Variants in RPS6KA4 observed in about 807,000 individuals in gnomAD.
RPS6KA4 encodes the protein ribosomal protein S6 kinase alpha-4.
In RPS6KA4, 38 loss-of-function variants were observed where a neutral mutation model predicts 89.6. The ratio of observed to expected loss-of-function variants is 0.42; its 90% confidence interval spans 0.33 to 0.56. The LOEUF (loss-of-function observed/expected upper bound fraction) is 0.56, where lower values mean the gene tolerates loss of function less well. Among genes scored for constraint, RPS6KA4 ranks in the 20% least tolerant of loss-of-function variants. The probability of loss-of-function intolerance (pLI) is 0.07; values close to 1 mark genes in which losing one functional copy is unlikely to be tolerated. For synonymous variants in RPS6KA4, 495 were observed against 492.8 expected (o/e 1.00, Z -0.06); for missense variants, 873 against 1,098.8 (o/e 0.79, Z 2.90).
At chr11:64,368,420 G>A in intron 10 of RPS6KA4, 48 bp from the exon 11 acceptor site, 2 of 1,543,588 alleles carry the variant, frequency 1.3e-6, no homozygotes, top group Non-Finnish European at 1.7e-6. Context: ...CTACCAGGTG[G>A]GACCTCTGAC....
rs1310364818 is a variant in RPS6KA4, at chr11:64,369,583, G to A, written c.1566G>A (p.Glu522=). 1 of 1,605,796 alleles carries A rather than the reference G, an allele frequency of 6.2e-7. No homozygotes were observed. The highest frequency in any genetic ancestry group is 8.5e-7 in the Non-Finnish European group (1 of 1,176,804). ...TGTCGGCCGTGAGCTTCATGCACGA[G>A]GAGGCGGGCGTGGTGCACCGCGACC... ...SLVSAVSFMH[E]EAGVVHRDLK... The change falls in exon 13 of 17, where the codon GAG becomes GAA. Residue 522 remains glutamate, a synonymous_variant. Coordinates refer to ENST00000334205, the MANE Select transcript of RPS6KA4 (RefSeq NM_003942.3).
chr11:64,365,406 CTGGAG>C lies in RPS6KA4; in HGVS notation c.1013_1017del (p.Leu338ProfsTer30). The C allele has an allele frequency of 6.2e-7, 1 of 1,614,122 alleles. No individual in the cohort carries two copies. Among genetic ancestry groups the C allele is most frequent in the Non-Finnish European group, 8.5e-7 (1 of 1,180,022 alleles). On this transcript the variant is annotated frameshift_variant, in exon 9 of 17. Transcript: ENST00000334205. LOFTEE classifies it high-confidence loss of function. ...CAACTTTGCGGAGGAATTCACTCGG[CTGGAG>C]CCTGTCTACTCACCCCCTGGCAGCC...
chr11:64,368,872 T>C, intron 12 of RPS6KA4, 75 bp downstream of exon 12: 1 of 1,355,884 alleles, frequency 7.4e-7, no homozygotes, highest in Non-Finnish European at 1.0e-6. Context: ...ATGGGCGGGA[T>C]CTAGGGGTGA....
chr11:64,370,121 T>C lies in RPS6KA4; in HGVS notation c.1798-104T>C. On this transcript the variant is annotated intron_variant, in intron 14 of 16. Coordinates refer to ENST00000334205, the MANE Select transcript of RPS6KA4 (RefSeq NM_003942.3). The surrounding 1 kb of genome is among the most constrained non-coding windows in gnomAD (Gnocchi z 4.1). ...AGTCAGGGTTCACCACGCGTGGGTC[T>C]CAGGAGTGCCCCTAGTGGGGAGGGT... 8.8e-6 allele frequency: 12 copies of C among 1,358,092 alleles called. No individual in the cohort carries two copies. Among genetic ancestry groups the C allele is most frequent in the Non-Finnish European group, 1.2e-5 (12 of 1,009,744 alleles). The allele number at this position is 1,358,092 out of a possible 1,614,324, so 84.1% of individuals were successfully genotyped here.
chr11:64,368,288 G>T, intron 10 of RPS6KA4, 28 bp downstream of exon 10: 1 of 1,610,456 alleles, frequency 6.2e-7, no homozygotes, highest in Non-Finnish European at 8.5e-7. Context: ...GGGTTGGGGG[G>T]AAATTGGTTT....
rs770305097 is a variant in RPS6KA4 at position 64,361,797 on chromosome 11, G to A, written c.755+52G>A. 2.5e-6 allele frequency: 4 copies of A among 1,587,532 alleles called. No homozygotes were observed. Among genetic ancestry groups the A allele is most frequent in the Non-Finnish European group, 3.4e-6 (4 of 1,169,568 alleles). On this transcript the variant is annotated intron_variant, in intron 7 of 16. Transcript: ENST00000334205. This position sits in a 1 kb window ranked among gnomAD's most constrained non-coding sequence, Gnocchi z 4.7. The stretch of plus-strand genomic sequence containing the variant: ...GCCAGAGGGCTGCAGGGCCTGCCTG[G>A]GCAGGGCTGTGGGTGGGGGGCTTGC...
chr11:64,365,682 C>T (rs185953862), intron 9 of RPS6KA4, among the ~76,000 whole-genome samples: 2 of 148,992 alleles, frequency 1.3e-5, no homozygotes, highest in Admixed American at 6.6e-5. Flanking sequence ...ATCTTTAAAC[C>T]TTCTGTTAAT....
Position 64,371,644 on chromosome 11 carries a change from G to T in RPS6KA4, c.*164G>T, listed in dbSNP as rs923688739. 44 of 522,990 alleles carry T rather than the reference G, an allele frequency of 8.4e-5. No individual in the cohort carries two copies. Among genetic ancestry groups the T allele is most frequent in the Non-Finnish European group, 1.3e-4 (38 of 296,960 alleles). The allele number at this position is 522,990 out of a possible 1,614,324, so 32.4% of individuals were successfully genotyped here. Reference sequence around the variant, plus strand: ...GAGCAGAAGTATTTTTATAAGCAGAGAATTTTTTATGTCTTACCAGATAGA... The same window carrying T: ...GAGCAGAAGTATTTTTATAAGCAGATAATTTTTTATGTCTTACCAGATAGA... On this transcript the variant is annotated 3_prime_UTR_variant, in exon 17 of 17. Coordinates refer to ENST00000334205, the MANE Select transcript of RPS6KA4 (RefSeq NM_003942.3).
At position 64,359,363 on chromosome 11, in the gene RPS6KA4, C is replaced by G. The variant is rs113072506; in HGVS notation, c.56-15C>G. ...TCATGGACCGGCTGGGCTCATTCGCCCCCTGTGCCCACAGCCAACCTGACC... is the reference window on the plus strand; with the variant it reads ...TCATGGACCGGCTGGGCTCATTCGCGCCCTGTGCCCACAGCCAACCTGACC... On this transcript the variant is annotated splice_polypyrimidine_tract_variant and intron_variant, in intron 1 of 16. Transcript: ENST00000334205. 4.4e-3 allele frequency: 7,020 copies of G among 1,612,486 alleles called. 289 individuals are homozygous for G. The African/African-American group carries it at 0.084, about 19-fold the overall frequency.
chr11:64,368,620 G>T lies in RPS6KA4; in HGVS notation c.1334+19G>T. On this transcript the variant is annotated intron_variant, in intron 11 of 16. Coordinates refer to ENST00000334205, the MANE Select transcript of RPS6KA4 (RefSeq NM_003942.3). Reference sequence around the variant, plus strand: ...GTCGCAGGTGGGAGGGCCCAGGCGCGGGCAGGGGTGGGGGTGGCAGAGCGC... The same window carrying T: ...GTCGCAGGTGGGAGGGCCCAGGCGCTGGCAGGGGTGGGGGTGGCAGAGCGC... 6.3e-7 allele frequency: 1 copy of T among 1,588,498 alleles called. No individual in the cohort carries two copies. Among genetic ancestry groups the T allele is most frequent in the Non-Finnish European group, 8.5e-7 (1 of 1,170,036 alleles).
At position 64,370,114 on chromosome 11, in the gene RPS6KA4, G is replaced by A. The variant is rs1456022094; in HGVS notation, c.1798-111G>A. 5 of 1,300,328 alleles carry A rather than the reference G, an allele frequency of 3.8e-6. No homozygotes were observed. The highest frequency in any genetic ancestry group is 5.2e-6 in the Non-Finnish European group (5 of 960,562). 80.5% of individuals were successfully genotyped at this position (1,300,328 alleles called of 1,614,324 possible). A position where few individuals can be genotyped will look rare whatever the true frequency, so the allele number is the denominator to read the frequency against. On this transcript the variant is annotated intron_variant, in intron 14 of 16. Coordinates refer to ENST00000334205, the MANE Select transcript of RPS6KA4 (RefSeq NM_003942.3). This position sits in a 1 kb window ranked among gnomAD's most constrained non-coding sequence, Gnocchi z 4.1. Reference sequence around the variant, plus strand: ...GGTTAGAAGTCAGGGTTCACCACGCGTGGGTCTCAGGAGTGCCCCTAGTGG... The same window carrying A: ...GGTTAGAAGTCAGGGTTCACCACGCATGGGTCTCAGGAGTGCCCCTAGTGG...
chr11:64,359,335 G>T (rs374802256), intron 1 of RPS6KA4, 43 bp from the exon 2 acceptor site: 1 of 1,609,448 alleles, frequency 6.2e-7, no homozygotes, highest in South Asian at 1.1e-5. Context: ...AGGCCGGGAC[G>T]GGTCATGGAC....
chr11:64,361,623 C>T lies in RPS6KA4; in HGVS notation c.652-19C>T. ...GAGGCAGGGGAGATGCAGGCCCTCA[C>T]CCCGGCTCCACCCGGCAGGCTGTGG... On this transcript the variant is annotated intron_variant, in intron 6 of 16. Coordinates refer to ENST00000334205, the MANE Select transcript of RPS6KA4 (RefSeq NM_003942.3). The surrounding 1 kb of genome is among the most constrained non-coding windows in gnomAD (Gnocchi z 4.7). 6 of 1,613,408 alleles carry T rather than the reference C, an allele frequency of 3.7e-6. No individual in the cohort carries two copies. Among genetic ancestry groups the T allele is most frequent in the East Asian group, 2.2e-5 (1 of 44,880 alleles).
Position 64,368,652 on chromosome 11 carries a change from G to A in RPS6KA4, c.1334+51G>A, listed in dbSNP as rs371100689. 1.1e-5 allele frequency: 18 copies of A among 1,574,234 alleles called. No homozygotes were observed. The African/African-American group carries it at 1.7e-4, about 15-fold the overall frequency. ...GGTGGGGGTGGCAGAGCGCTGTCCC[G>A]GGGGCGGGGCCGAAGCGCGGCGACC... On this transcript the variant is annotated intron_variant, in intron 11 of 16. Transcript: ENST00000334205.
Position 64,370,621 on chromosome 11 carries a change from G to A in RPS6KA4, c.2016G>A (p.Ser672=). 3.2e-6 allele frequency: 5 copies of A among 1,582,328 alleles called. No homozygotes were observed. The highest frequency in any genetic ancestry group is 4.3e-6 in the Non-Finnish European group (5 of 1,171,418). The change falls in exon 16 of 17, where the codon TCG becomes TCA. Residue 672 remains serine (S), a synonymous_variant. Transcript: ENST00000334205. This position sits in a 1 kb window ranked among gnomAD's most constrained non-coding sequence, Gnocchi z 4.1. ...AGCTCGAGGGACTGCGGGGCAGCTC[G>A]TGGCTGCAGGACGGCAGCGCGCGCT... is the stretch of plus-strand genomic sequence containing the variant. ...RLKLEGLRGS[S]WLQDGSARSS... is the part of the protein sequence containing the mutation.
intron 16 of RPS6KA4, 76 bp from the exon 17 acceptor site, chr11:64,371,206 TG>T: frequency 1.4e-6 from 2 of 1,445,196 alleles, no homozygotes; most frequent in Non-Finnish European, 1.9e-6. Flanking sequence ...AGGCAAGGTC[TG>T]GGAATGGAGG....
In RPS6KA4 at chr11:64,360,612, C is replaced by T; in HGVS notation, c.462+20C>T. 6.4e-7 allele frequency: 1 copy of T among 1,568,082 alleles called. No homozygotes were observed. ...CACAAGGTGGGTGAAGACCTGGCCGCAGGCTGTTGCTATGGAAACTGGGTC... is the reference window on the plus strand; with the variant it reads ...CACAAGGTGGGTGAAGACCTGGCCGTAGGCTGTTGCTATGGAAACTGGGTC... On this transcript the variant is annotated intron_variant, in intron 4 of 16. Coordinates refer to ENST00000334205, the MANE Select transcript of RPS6KA4 (RefSeq NM_003942.3).
In RPS6KA4 at chr11:64,364,641, T is replaced by A. The variant is rs184816523; in HGVS notation, c.907-660T>A. Among the ~76,000 whole-genome samples, 449 of 152,222 alleles carry A rather than the reference T, an allele frequency of 2.9e-3. 2 individuals are homozygous for A. The highest frequency in any genetic ancestry group is 6.8e-3 in the Middle Eastern group (2 of 294). On this transcript the variant is annotated intron_variant, in intron 8 of 16. Coordinates refer to ENST00000334205, the MANE Select transcript of RPS6KA4 (RefSeq NM_003942.3). ...GGTTCTGCTTTTTCTGCATGGGGACTTCATCTAACCCTGAGAGGGTCCCCA... is the reference window on the plus strand; with the variant it reads ...GGTTCTGCTTTTTCTGCATGGGGACATCATCTAACCCTGAGAGGGTCCCCA...
rs1295058694 is a variant in RPS6KA4 at position 64,369,492 on chromosome 11, T to C, written c.1475T>C (p.Leu492Pro). ...GAGCTGCTGCGGGGCGGGGAGCTGC[T>C]GGAGCACATCCGCAAGAAGCGGCAC... ...VLELLRGGEL[L>P]EHIRKKRHFS... The change falls in exon 13 of 17, where the codon CTG becomes CCG. Residue 492 changes from leucine to proline, a missense_variant. By Grantham distance (98) the Leu-to-Pro change is moderately conservative. Transcript: ENST00000334205. 1 of 1,610,086 alleles carries C rather than the reference T, an allele frequency of 6.2e-7. No individual in the cohort carries two copies. The highest frequency in any genetic ancestry group is 8.5e-7 in the Non-Finnish European group (1 of 1,179,056).
Sources: gnomAD v4.1 joint callset for allele counts (sites outside exome capture counted in the v4.1 genomes callset) on GRCh38, gnomAD v4.1.1 for gene constraint, Gnocchi (gnomAD v3.1) non-coding constraint, MANE v1.5 for transcripts, NCBI Gene and HGNC (gene_info 2026-07-23, HGNC 2026-07-21) for gene names.